The following CYFIP2 variants were observed in gnomAD, a reference collection of about 807,000 sequenced individuals.
The protein encoded by CYFIP2 is cytoplasmic FMR1 interacting protein 2, also known as cytoplasmic FMR1-interacting protein 2.
In CYFIP2, 29 loss-of-function variants were observed where a neutral mutation model predicts 158.7. The observed-to-expected ratio is 0.18, with a 90% confidence interval of 0.14 to 0.25. The LOEUF (loss-of-function observed/expected upper bound fraction) is 0.25. CYFIP2 is among the 10% of genes least tolerant of loss of function. The probability of loss-of-function intolerance (pLI) is 1.00; values close to 1 mark genes in which losing one functional copy is unlikely to be tolerated. For missense variants in CYFIP2, 852 were observed against 1,639.5 expected (o/e 0.52, Z 8.29); for synonymous variants, 585 against 617.6 (o/e 0.95, Z 0.78).
intron 26 of CYFIP2, among the ~76,000 whole-genome samples, chr5:157,370,319 C>G (rs541126637): frequency 6.6e-6 from 1 of 152,316 alleles, no homozygotes; most frequent in South Asian, 2.1e-4. Flanking sequence ...CTTGCCACAT[C>G]TGCAGATCAC....
intron 26 of CYFIP2, among the ~76,000 whole-genome samples, chr5:157,371,041 G>T (rs187748507): frequency 6.6e-6 from 1 of 152,288 alleles, no homozygotes; most frequent in Non-Finnish European, 1.5e-5. Flanking sequence ...AGCGTCTCTC[G>T]GTTGGGCTTT....
At chr5:157,299,091 A>T (rs1039543859) in intron 5 of CYFIP2, among the ~76,000 whole-genome samples, 1 of 152,182 alleles carries the variant, frequency 6.6e-6, no homozygotes, top group East Asian at 1.9e-4. Context: ...TAGGAGTGGA[A>T]TTGTTGGGTC....
intron 24 of CYFIP2, 122 bp downstream of exon 24, chr5:157,359,270 G>A: frequency 9.1e-7 from 1 of 1,102,602 alleles, no homozygotes; most frequent in Non-Finnish European, 1.3e-6. Flanking sequence ...TCTACCTGTA[G>A]AAACCACTCA....
intron 26 of CYFIP2, among the ~76,000 whole-genome samples, chr5:157,381,217 C>T (rs1056706187): frequency 2.9e-4 from 44 of 152,120 alleles, no homozygotes; most frequent in African/African-American, 1.0e-3. Flanking sequence ...TCCACTGAGA[C>T]ATAACCACTA....
At chr5:157,288,788 C>G (rs1017762651) in intron 3 of CYFIP2, 1 of 355,350 alleles carries the variant, frequency 2.8e-6, no homozygotes, top group African/African-American at 2.2e-5. Flanking sequence ...ACTACAAAAC[C>G]TTTGCTCCAG....
At chr5:157,343,467 G>A in intron 23 of CYFIP2, 1 of 1,609,366 alleles carries the variant, frequency 6.2e-7, no homozygotes, top group Non-Finnish European at 8.5e-7. Context: ...TAGTCCTCCA[G>A]GCAGGGCTCC....
chr5:157,340,235 A>G (rs1762154116), intron 22 of CYFIP2, among the ~76,000 whole-genome samples: 1 of 152,270 alleles, frequency 6.6e-6, no homozygotes, highest in Non-Finnish European at 1.5e-5. Flanking sequence ...GGATGCAAAA[A>G]AAATGTATTC....
At chr5:157,316,815 T>C (rs1760183408) in intron 13 of CYFIP2, among the ~76,000 whole-genome samples, 1 of 152,138 alleles carries the variant, frequency 6.6e-6, no homozygotes. Context: ...CTCTGAAAAC[T>C]TAAAGGGCCA....
chr5:157,276,701 A>G (rs949411072), intron 1 of CYFIP2, among the ~76,000 whole-genome samples: 2 of 152,206 alleles, frequency 1.3e-5, no homozygotes, highest in Admixed American at 1.3e-4. Flanking sequence ...ACAACTAGGT[A>G]TTGGCAGAGG....
At chr5:157,382,514 C>G in intron 26 of CYFIP2, 76 bp from the exon 27 acceptor site, 1 of 1,513,180 alleles carries the variant, frequency 6.6e-7, no homozygotes, top group South Asian at 1.2e-5. Flanking sequence ...CTCCAGTGCT[C>G]AGGTTTTTAG....
At chr5:157,330,195 A>C (rs748732530) in intron 19 of CYFIP2, among the ~76,000 whole-genome samples, 6 of 151,108 alleles carry the variant, frequency 4.0e-5, no homozygotes, top group Non-Finnish European at 7.4e-5. Context: ...CTCAGTGTGA[A>C]AGATAGTAAC....
intron 26 of CYFIP2, among the ~76,000 whole-genome samples, chr5:157,380,904 C>G (rs982043887): frequency 2.0e-5 from 3 of 152,130 alleles, no homozygotes; most frequent in Non-Finnish European, 1.5e-5. Context: ...AGGAAAGAAA[C>G]AAACACCTCA....
intron 2 of CYFIP2, 94 bp from the exon 3 acceptor site, chr5:157,286,925 C>T (rs1403652433): frequency 3.0e-5 from 26 of 857,798 alleles, no homozygotes; most frequent in African/African-American, 5.0e-5. Context: ...AGAGAGCTTG[C>T]GTTGTTTGTT....
At chr5:157,372,231 A>G (rs1765058869) in intron 26 of CYFIP2, among the ~76,000 whole-genome samples, 1 of 152,200 alleles carries the variant, frequency 6.6e-6, no homozygotes, top group Non-Finnish European at 1.5e-5. Flanking sequence ...AATTTTAAAT[A>G]TAGGGGAATC....
At position 157,359,036 on chromosome 5, in the gene CYFIP2, G is replaced by A; in HGVS notation, c.2705G>A (p.Ser902Asn). 6.2e-7 allele frequency: 1 copy of A among 1,613,956 alleles called. No individual in the cohort carries two copies. The highest frequency in any genetic ancestry group is 8.5e-7 in the Non-Finnish European group (1 of 1,179,878). The change falls in exon 24 of 31, where the codon AGC (serine) becomes AAC (asparagine). Residue 902 changes from serine to asparagine, a missense_variant. Coordinates refer to ENST00000620254, the MANE Select transcript of CYFIP2 (RefSeq NM_001037333.3). Reference sequence around the variant, plus strand: ...AACATTGCCTACAGCCACATCTACAGCTCCTACAGGAATTTCGTGGGGCCA... The same window carrying A: ...AACATTGCCTACAGCCACATCTACAACTCCTACAGGAATTTCGTGGGGCCA... ...PLNIAYSHIY[S>N]SYRNFVGPPH... is the part of the protein sequence containing the mutation.
chr5:157,284,282 C>G (rs1279645107), intron 1 of CYFIP2, among the ~76,000 whole-genome samples: 1 of 152,122 alleles, frequency 6.6e-6, no homozygotes, highest in Non-Finnish European at 1.5e-5. Context: ...TGTATTAGTG[C>G]TTTCCATCTT....
rs1759748900 is a variant in CYFIP2 at position 157,311,777 on chromosome 5, G to A, written c.1106G>A (p.Ser369Asn). The A allele has an allele frequency of 6.3e-7, 1 of 1,593,194 alleles. No individual in the cohort carries two copies. The highest frequency in any genetic ancestry group is 2.3e-5 in the East Asian group (1 of 43,858). The part of the protein sequence containing the change: ...FISELARYSN[S>N]EVVTGSGLDS... ...TCCGAGCTCGCTCGCTACAGCAACA[G>A]TGAGGTGAGCATGCAGGCTGCTGGG... is the stretch of plus-strand genomic sequence containing the variant. The change falls in exon 11 of 31, where the codon AGT (serine) becomes AAT (asparagine). Residue 369 changes from serine to asparagine, a missense_variant. Physicochemically the swap from Ser to Asn is conservative, Grantham distance 46. Coordinates refer to ENST00000620254, the MANE Select transcript of CYFIP2 (RefSeq NM_001037333.3). The surrounding 1 kb of genome is among the most constrained non-coding windows in gnomAD (Gnocchi z 4.7).
intron 11 of CYFIP2, 114 bp from the exon 12 acceptor site, chr5:157,314,230 G>T: frequency 7.3e-7 from 1 of 1,362,084 alleles, no homozygotes; most frequent in Non-Finnish European, 9.8e-7. Context: ...CAGTTTATCT[G>T]TCAAGGGGAT....
intron 26 of CYFIP2, among the ~76,000 whole-genome samples, chr5:157,374,765 T>G (rs546349260): frequency 6.6e-6 from 1 of 152,236 alleles, no homozygotes; most frequent in Non-Finnish European, 1.5e-5. Flanking sequence ...AAAGGAGGAC[T>G]GTGGGTCTCT....
Sources: allele counts gnomAD v4.1 joint callset (sites outside exome capture counted in the v4.1 genomes callset), GRCh38; gene constraint gnomAD v4.1.1; non-coding constraint Gnocchi (gnomAD v3.1); transcripts MANE v1.5; gene names NCBI Gene and HGNC (gene_info 2026-07-23, HGNC 2026-07-21).